The following SIAE variants were observed in gnomAD, a reference collection of about 807,000 sequenced individuals.
SIAE encodes the protein sialic acid acetylesterase.
Under a neutral mutation model 52.6 loss-of-function variants are expected in SIAE, and 39 were observed. The observed-to-expected ratio is 0.74, with a 90% CI of 0.57 to 0.97. The LOEUF is 0.97. Among genes scored for constraint, SIAE ranks in the 50% least tolerant of loss-of-function variants. The pLI, the probability that SIAE is intolerant of heterozygous loss-of-function variation, is 0.00. For missense variants in SIAE, 592 were observed against 662.1 expected (o/e 0.89, Z 1.16); for synonymous variants, 233 against 241.4 (o/e 0.97, Z 0.32).
At chr11:124,642,720 T>C (rs746128284) in intron 7 of SIAE, among the ~76,000 whole-genome samples, 1 of 152,208 alleles carries the variant, frequency 6.6e-6, no homozygotes, top group Non-Finnish European at 1.5e-5. Flanking sequence ...CTCCTGTGAT[T>C]ATGTTGTATA....
chr11:124,650,841 T>C (rs1361436360), intron 4 of SIAE, among the ~76,000 whole-genome samples: 1 of 151,920 alleles, frequency 6.6e-6, no homozygotes, highest in Non-Finnish European at 1.5e-5. Context: ...AAAGAAAACA[T>C]GGACAGATAA....
intron 3 of SIAE, among the ~76,000 whole-genome samples, chr11:124,655,624 T>C (rs1419392295): frequency 6.6e-6 from 1 of 152,188 alleles, no homozygotes; most frequent in African/African-American, 2.4e-5. Flanking sequence ...TGAAACATAG[T>C]TGAAGTACTG....
chr11:124,658,035 C>T (rs1379118466), intron 3 of SIAE, among the ~76,000 whole-genome samples: 3 of 152,178 alleles, frequency 2.0e-5, no homozygotes, highest in Admixed American at 1.3e-4. Context: ...AAGTCATTAA[C>T]ACCACAGACG....
chr11:124,650,082 G>A (rs1432131258), intron 4 of SIAE, among the ~76,000 whole-genome samples: 2 of 152,128 alleles, frequency 1.3e-5, no homozygotes, highest in East Asian at 3.9e-4. Flanking sequence ...CTGTCTTCAT[G>A]TTTTTTCAGT....
At chr11:124,652,416 G>A (rs189066363) in intron 4 of SIAE, among the ~76,000 whole-genome samples, 2,433 of 152,202 alleles carry the variant, frequency 0.016, 39 homozygotes, top group Non-Finnish European at 0.024. Context: ...GACCGGGCGC[G>A]GTGGCTCACG....
At chr11:124,656,999 G>A (rs903943950) in intron 3 of SIAE, among the ~76,000 whole-genome samples, 1 of 145,476 alleles carries the variant, frequency 6.9e-6, no homozygotes, top group African/African-American at 2.5e-5. Context: ...TCTGAAAGAT[G>A]CTGCCCCTTG....
chr11:124,647,613 G>C (rs1446819978), intron 6 of SIAE, 115 bp from the exon 7 acceptor site: 100 of 1,312,508 alleles, frequency 7.6e-5, no homozygotes, highest in Non-Finnish European at 1.5e-5. Context: ...GGTCTCTCTG[G>C]ACTGGTCTTT....
In SIAE at chr11:124,637,150, G is replaced by T. The variant is rs770537556; in HGVS notation, c.1373C>A (p.Thr458Asn). 5.0e-6 allele frequency: 8 copies of T among 1,614,192 alleles called. No individual in the cohort carries two copies. The highest frequency in any genetic ancestry group is 1.3e-5 in the African/African-American group (1 of 75,056). The change falls in exon 10 of 10, where the codon ACC (threonine) becomes AAC (asparagine). Residue 458 changes from threonine (T) to asparagine (N), a missense_variant. Physicochemically the swap from Thr to Asn is moderately conservative, Grantham distance 65 (BLOSUM62 0). Transcript: ENST00000263593. ...RCKWLPASMN[T>N]VSTQSLTLAI... ...CAGGGTCAGGGACTGGGTGGAGACG[G>T]TGTTCATAGAAGCTGGAAGCCACTT...
At chr11:124,640,509 C>T (rs1228882767) in intron 7 of SIAE, among the ~76,000 whole-genome samples, 1 of 152,114 alleles carries the variant, frequency 6.6e-6, no homozygotes, top group Non-Finnish European at 1.5e-5. Context: ...GGTTTAAGCC[C>T]CTAAGTTTTG....
At chr11:124,652,210 G>A (rs557615235) in intron 4 of SIAE, among the ~76,000 whole-genome samples, 3 of 152,170 alleles carry the variant, frequency 2.0e-5, no homozygotes, top group South Asian at 4.2e-4. Context: ...CAAAGACGTC[G>A]ACACACTCAT....
chr11:124,670,817 T>C lies in SIAE; in HGVS notation c.68-1296A>G, dbSNP rs145467296. 5.9e-3 allele frequency among the ~76,000 whole-genome samples: 904 copies of C among 152,320 alleles called. 5 individuals are homozygous for C. Among genetic ancestry groups the C allele is most frequent in the Non-Finnish European group, 0.01 (686 of 68,026 alleles). On this transcript the variant is annotated intron_variant, in intron 1 of 9. Transcript: ENST00000263593. The surrounding 1 kb of genome is among the most constrained non-coding windows in gnomAD (Gnocchi z 4.5). ...ATGAAAGATCACCCAGAAGGCCTAC[T>C]GGGCTGGAGATGCACGGTTACCATG...
intron 4 of SIAE, among the ~76,000 whole-genome samples, chr11:124,652,691 CA>C (rs57632780): frequency 0.08 from 5,849 of 72,946 alleles, 108 homozygotes; most frequent in African/African-American, 0.098. Flanking sequence ...GAGACTCGGT[CA>C]AAAAAAAAAA....
chr11:124,644,510 A>G (rs1942901779), intron 7 of SIAE, among the ~76,000 whole-genome samples: 1 of 152,128 alleles, frequency 6.6e-6, no homozygotes, highest in East Asian at 1.9e-4. Context: ...TACTCGCCAC[A>G]TGGGGGCACC....
At chr11:124,651,881 G>T (rs532247357) in intron 4 of SIAE, among the ~76,000 whole-genome samples, 2 of 152,298 alleles carry the variant, frequency 1.3e-5, no homozygotes, top group East Asian at 3.9e-4. Flanking sequence ...GACTGATTGA[G>T]GGTGGCTGTG....
At chr11:124,657,281 T>C (rs1943116141) in intron 3 of SIAE, among the ~76,000 whole-genome samples, 1 of 152,226 alleles carries the variant, frequency 6.6e-6, no homozygotes, top group Non-Finnish European at 1.5e-5. Flanking sequence ...AAGAACAGGC[T>C]AATGCACTCA....
intron 3 of SIAE, among the ~76,000 whole-genome samples, chr11:124,656,108 A>C (rs1943094684): frequency 6.6e-6 from 1 of 152,182 alleles, no homozygotes. Context: ...TCCCCAAGAT[A>C]TCTCATTATG....
intron 2 of SIAE, among the ~76,000 whole-genome samples, chr11:124,664,218 C>A (rs1943237130): frequency 6.6e-6 from 1 of 151,662 alleles, no homozygotes; most frequent in East Asian, 1.9e-4. Context: ...CTAGGGTTAG[C>A]ATTTCTGGTA....
In SIAE at chr11:124,633,850, T is replaced by G. The variant is rs889929886; in HGVS notation, c.*3101A>C. On this transcript the variant is annotated 3_prime_UTR_variant, in exon 10 of 10. Transcript: ENST00000263593. ...TCATATAACAAATATTTTCCCACTATTACAGCCTGAGTAATACCCGTATTA... is the reference window on the plus strand; with the variant it reads ...TCATATAACAAATATTTTCCCACTAGTACAGCCTGAGTAATACCCGTATTA... The G allele has an allele frequency of 6.6e-6, 1 of 152,138 alleles. No individual in the cohort carries two copies. The highest frequency in any genetic ancestry group is 6.5e-5 in the Admixed American group (1 of 15,278). 9.4% of individuals were successfully genotyped at this position (152,138 alleles called of 1,614,324 possible). A position where few individuals can be genotyped will look rare whatever the true frequency, so the allele number is the denominator to read the frequency against.
chr11:124,652,313 G>A (rs1378789206), intron 4 of SIAE, among the ~76,000 whole-genome samples: 3 of 152,144 alleles, frequency 2.0e-5, no homozygotes, highest in African/African-American at 7.2e-5. Flanking sequence ...AGAGTGTCCT[G>A]GCTCATCTAG....
Sources: allele counts gnomAD v4.1 joint callset (sites outside exome capture counted in the v4.1 genomes callset), GRCh38; gene constraint gnomAD v4.1.1; non-coding constraint Gnocchi (gnomAD v3.1); transcripts MANE v1.5; gene names NCBI Gene and HGNC (gene_info 2026-07-23, HGNC 2026-07-21).